Variants in THBS2 observed in about 807,000 individuals in gnomAD.
THBS2 encodes thrombospondin-2.
THBS2 carries 47 observed loss-of-function variants against 135.2 expected under a neutral mutation model. That is an observed-to-expected ratio of 0.35 (90% CI 0.28 to 0.44). THBS2 has a LOEUF of 0.44. Among genes scored for constraint, THBS2 ranks in the 20% least tolerant of loss-of-function variants. The pLI is 1.00. For missense variants in THBS2, 1,288 were observed against 1,603.1 expected (o/e 0.80, Z 3.36); for synonymous variants, 639 against 633.8 (o/e 1.01, Z -0.12).
At chr6:169,232,841 G>A in intron 11 of THBS2, 25 bp from the exon 12 acceptor site, 17 of 1,609,190 alleles carry the variant, frequency 1.1e-5, no homozygotes, top group Non-Finnish European at 1.4e-5. Flanking sequence ...AGACATGAGA[G>A]GCCGCTCCCG....
intron 13 of THBS2, among the ~76,000 whole-genome samples, chr6:169,230,774 G>C (rs1779803939): frequency 6.6e-6 from 1 of 152,168 alleles, no homozygotes; most frequent in Admixed American, 6.5e-5. Flanking sequence ...AAGAAGGGTA[G>C]GCTGGGTAGC....
intron 6 of THBS2, 149 bp downstream of exon 6, chr6:169,240,303 C>A: frequency 1.8e-6 from 2 of 1,117,516 alleles, no homozygotes; most frequent in African/African-American, 3.1e-5. Flanking sequence ...CGGTTCCTGG[C>A]CCTTCTGTGT....
rs1159703578 is a variant in THBS2, at chr6:169,216,567, CA to C, written c.*1254del. 6.6e-6 allele frequency: 1 copy of C among 150,846 alleles called. No individual in the cohort carries two copies. The highest frequency in any genetic ancestry group is 2.5e-5 in the African/African-American group (1 of 40,700). 9.3% of individuals were successfully genotyped at this position (150,846 alleles called of 1,614,324 possible). On this transcript the variant is annotated 3_prime_UTR_variant, in exon 22 of 22. Coordinates refer to ENST00000617924, the MANE Select transcript of THBS2 (RefSeq NM_003247.5). The stretch of plus-strand genomic sequence containing the variant: ...ATATACAGCAGATAGATAACAGTAA[CA>C]AATATTGAACTAAAATCGCTGGCAA...
At position 169,237,205 on chromosome 6, in the gene THBS2, C is replaced by T. The variant is rs757488726; in HGVS notation, c.1442G>A (p.Arg481Gln). ...MGGKNCKGSG[R>Q]ETKACQGAPC... ...GGCGCCCTGGCAGGCTTTGGTCTCC[C>T]GGCCACTCCCTTTGCAATTCTTGCC... Residue 481 changes from arginine (R) to glutamine (Q), a missense_variant, in exon 9 of 22, where the codon CGG becomes CAG. Coordinates refer to ENST00000617924, the MANE Select transcript of THBS2 (RefSeq NM_003247.5). The T allele has an allele frequency of 3.7e-6, 6 of 1,611,666 alleles. No individual in the cohort carries two copies. The highest frequency in any genetic ancestry group is 4.2e-6 in the Non-Finnish European group (5 of 1,179,866).
chr6:169,245,590 A>G (rs950737970), intron 4 of THBS2, among the ~76,000 whole-genome samples: 2 of 152,152 alleles, frequency 1.3e-5, no homozygotes, highest in Admixed American at 6.6e-5. Context: ...CAGGAGATCG[A>G]GACCATCTTG....
intron 17 of THBS2, among the ~76,000 whole-genome samples, chr6:169,224,039 C>T (rs994146682): frequency 2.6e-5 from 4 of 151,880 alleles, no homozygotes; most frequent in African/African-American, 7.3e-5. Context: ...AGGGGGACCA[C>T]GAATTTGCCA....
At chr6:169,223,188 C>A in intron 18 of THBS2, 60 bp downstream of exon 18, 3 of 1,523,682 alleles carry the variant, frequency 2.0e-6, no homozygotes, top group African/African-American at 1.4e-5. Flanking sequence ...CAGTCTGCAT[C>A]TTCTGTGGGC....
At position 169,222,394 on chromosome 6, in the gene THBS2, C is replaced by T. The variant is rs749110426; in HGVS notation, c.3076G>A (p.Gly1026Ser). The stretch of plus-strand genomic sequence containing the variant: ...CTTGACTGGTAACCAAAGACGAAGC[C>T]GGCATAGTCGTCGTCCCGGTCAGTG... ...VNTDRDDDYA[G>S]FVFGYQSSSR... is the part of the protein sequence containing the mutation. The change falls in exon 19 of 22, where the codon GGC becomes AGC. Residue 1026 changes from glycine (G) to serine (S), a missense_variant. Coordinates refer to ENST00000617924, the MANE Select transcript of THBS2 (RefSeq NM_003247.5). 4 of 1,613,740 alleles carry T rather than the reference C, an allele frequency of 2.5e-6. No individual in the cohort carries two copies. The highest frequency in any genetic ancestry group is 1.3e-5 in the African/African-American group (1 of 75,060).
intron 13 of THBS2, among the ~76,000 whole-genome samples, chr6:169,230,672 A>G (rs1421691288): frequency 6.6e-6 from 1 of 152,150 alleles, no homozygotes; most frequent in African/African-American, 2.4e-5. Context: ...TTAAATTTCC[A>G]TCTAAAATTC....
intron 1 of THBS2, among the ~76,000 whole-genome samples, chr6:169,251,086 A>G (rs555616007): frequency 5.3e-5 from 8 of 152,184 alleles, no homozygotes; most frequent in Non-Finnish European, 1.2e-4. Flanking sequence ...CCTGGGAGGT[A>G]TGTGCTGCTC....
At chr6:169,230,704 C>T (rs907326265) in intron 13 of THBS2, among the ~76,000 whole-genome samples, 2 of 152,096 alleles carry the variant, frequency 1.3e-5, no homozygotes, top group Non-Finnish European at 2.9e-5. Flanking sequence ...AAAGAATAAT[C>T]GGGATATCTT....
At chr6:169,246,317 G>T (rs867563067) in intron 3 of THBS2, 36 bp from the exon 4 acceptor site, 8 of 1,521,282 alleles carry the variant, frequency 5.3e-6, no homozygotes, top group Non-Finnish European at 7.3e-6. Context: ...TAGAGCAACA[G>T]ATAAACATCC....
chr6:169,249,439 A>G (rs1382665205), intron 2 of THBS2, among the ~76,000 whole-genome samples: 1 of 152,228 alleles, frequency 6.6e-6, no homozygotes, highest in Non-Finnish European at 1.5e-5. Flanking sequence ...TTGATTGCTC[A>G]GGAAAAAACC....
At chr6:169,223,180 G>T (rs548305359) in intron 18 of THBS2, 68 bp downstream of exon 18, 2 of 1,448,282 alleles carry the variant, frequency 1.4e-6, no homozygotes, top group African/African-American at 2.8e-5. Flanking sequence ...TTAAAGTGCA[G>T]TCTGCATCTT....
intron 3 of THBS2, 67 bp downstream of exon 3, chr6:169,248,350 A>G: frequency 6.6e-7 from 1 of 1,511,296 alleles, no homozygotes; most frequent in South Asian, 1.2e-5. Flanking sequence ...CACCAGACGC[A>G]TTAGCAGATC....
At chr6:169,219,377 G>T (rs1203738124) in intron 21 of THBS2, among the ~76,000 whole-genome samples, 1 of 140,496 alleles carries the variant, frequency 7.1e-6, no homozygotes, top group African/African-American at 2.7e-5. Flanking sequence ...GATGAGATGG[G>T]TGGATGAATG....
intron 19 of THBS2, among the ~76,000 whole-genome samples, 195 bp from the exon 20 acceptor site, chr6:169,221,722 G>A (rs1035585591): frequency 6.6e-5 from 10 of 152,138 alleles, no homozygotes; most frequent in African/African-American, 2.2e-4. Context: ...GTGTGGCTCA[G>A]GGCTGAGAGC....
At chr6:169,235,239 C>T (rs1345708203) in intron 9 of THBS2, among the ~76,000 whole-genome samples, 1 of 151,924 alleles carries the variant, frequency 6.6e-6, no homozygotes, top group East Asian at 1.9e-4. Context: ...CCAGGCTGCT[C>T]TCAAACTCCT....
At chr6:169,242,989 A>C (rs1212771900) in intron 4 of THBS2, among the ~76,000 whole-genome samples, 12 of 6,888 alleles carry the variant, frequency 1.7e-3, no homozygotes, top group East Asian at 0.012. Context: ...ACCTTCCCAC[A>C]TTCGCACCTT....
Sources: gnomAD v4.1 joint callset for allele counts (sites outside exome capture counted in the v4.1 genomes callset) on GRCh38, gnomAD v4.1.1 for gene constraint, MANE v1.5 for transcripts, NCBI Gene and HGNC (gene_info 2026-07-23, HGNC 2026-07-21) for gene names.